ATF7IP2: variants seen among roughly 807,000 people sequenced by gnomAD.
ATF7IP2 encodes the protein activating transcription factor 7-interacting protein 2.
ATF7IP2 carries 42 observed loss-of-function variants against 64.2 expected under a neutral mutation model. That is an observed-to-expected ratio of 0.65 (90% CI 0.51 to 0.85). The LOEUF is 0.85. Among genes scored for constraint, ATF7IP2 ranks in the 40% least tolerant of loss-of-function variants. The pLI, the probability that ATF7IP2 is intolerant of heterozygous loss-of-function variation, is 0.00. For synonymous variants in ATF7IP2, 308 were observed against 272.8 expected (o/e 1.13, Z -1.27); for missense variants, 933 against 784.2 (o/e 1.19, Z -2.27).
chr16:10,429,250 C>A (rs774701903), intron 4 of ATF7IP2, among the ~76,000 whole-genome samples: 3 of 152,178 alleles, frequency 2.0e-5, no homozygotes, highest in Non-Finnish European at 4.4e-5. Context: ...ATATAATACA[C>A]AGTCCTATAG....
chr16:10,389,759 A>G (rs2047284892), intron 1 of ATF7IP2, among the ~76,000 whole-genome samples: 1 of 152,220 alleles, frequency 6.6e-6, no homozygotes, highest in Non-Finnish European at 1.5e-5. Flanking sequence ...ATACTATTAC[A>G]TTGATAAAAC....
intron 12 of ATF7IP2, among the ~76,000 whole-genome samples, chr16:10,476,008 A>G (rs551456098): frequency 6.6e-5 from 10 of 152,224 alleles, no homozygotes; most frequent in Admixed American, 6.5e-4. Flanking sequence ...TAATTTGCCA[A>G]GGGCCAGTTG....
intron 1 of ATF7IP2, among the ~76,000 whole-genome samples, chr16:10,396,280 C>A (rs1468277032): frequency 1.3e-5 from 2 of 152,066 alleles, no homozygotes; most frequent in Non-Finnish European, 2.9e-5. Context: ...GGTTATTAAC[C>A]CCTGATCAGA....
At chr16:10,436,403 A>G (rs1052544099) in intron 6 of ATF7IP2, among the ~76,000 whole-genome samples, 1 of 151,900 alleles carries the variant, frequency 6.6e-6, no homozygotes, top group South Asian at 2.1e-4. Context: ...TTTTTTTTTA[A>G]ATAATACATT....
intron 1 of ATF7IP2, among the ~76,000 whole-genome samples, chr16:10,392,620 A>G (rs1596415610): frequency 1.3e-5 from 2 of 152,188 alleles, no homozygotes; most frequent in East Asian, 3.9e-4. Flanking sequence ...AGGTCAGCAA[A>G]CCTTTGATAT....
intron 1 of ATF7IP2, among the ~76,000 whole-genome samples, chr16:10,402,667 G>T (rs976090882): frequency 1.3e-5 from 2 of 152,068 alleles, no homozygotes; most frequent in African/African-American, 2.4e-5. Context: ...GTTTCACCAT[G>T]TTGCCAGACT....
intron 8 of ATF7IP2, chr16:10,447,341 AG>A (rs2048843278): frequency 6.6e-6 from 1 of 152,170 alleles, no homozygotes; most frequent in Non-Finnish European, 1.5e-5. Context: ...CCAGCCTTTG[AG>A]GCCACTGCAC....
chr16:10,389,024 AT>A (rs1304810766), intron 1 of ATF7IP2, among the ~76,000 whole-genome samples: 3 of 151,906 alleles, frequency 2.0e-5, no homozygotes, highest in Admixed American at 1.3e-4. Flanking sequence ...AAAAAAAAAA[AT>A]TATAGTGGGA....
chr16:10,431,542 T>A, intron 5 of ATF7IP2, 87 bp downstream of exon 5: 1 of 855,518 alleles, frequency 1.2e-6, no homozygotes, highest in Non-Finnish European at 1.8e-6. Context: ...TACAAACCAG[T>A]ATAGACAGAA....
chr16:10,477,741 T>G (rs1429768388), intron 12 of ATF7IP2, among the ~76,000 whole-genome samples: 3 of 152,270 alleles, frequency 2.0e-5, no homozygotes, highest in Non-Finnish European at 4.4e-5. Flanking sequence ...ATTGTATATC[T>G]AGAAAACCCC....
In ATF7IP2 at chr16:10,474,006, G is replaced by C. The variant is rs1462568346; in HGVS notation, c.1549+17G>C. The stretch of plus-strand genomic sequence containing the variant: ...GCAATACAGGTAAAAGGATTTTTTA[G>C]ATCTTTCTTTTGTAAAAAGGAGGGA... On this transcript the variant is annotated intron_variant, in intron 12 of 13. Transcript: ENST00000562102. The C allele has an allele frequency of 2.0e-6, 3 of 1,527,726 alleles. No homozygotes were observed. The highest frequency in any genetic ancestry group is 2.7e-6 in the Non-Finnish European group (3 of 1,117,866). 94.6% of individuals were successfully genotyped at this position (1,527,726 alleles called of 1,614,324 possible). A position where few individuals can be genotyped will look rare whatever the true frequency, so the allele number is the denominator to read the frequency against.
intron 3 of ATF7IP2, among the ~76,000 whole-genome samples, chr16:10,421,324 A>G (rs2047984823): frequency 6.6e-6 from 1 of 152,156 alleles, no homozygotes; most frequent in Non-Finnish European, 1.5e-5. Flanking sequence ...GATCTTTTCT[A>G]CTTATTTGAG....
At chr16:10,415,391 T>C (rs754444314) in intron 2 of ATF7IP2, among the ~76,000 whole-genome samples, 1 of 152,180 alleles carries the variant, frequency 6.6e-6, no homozygotes, top group Non-Finnish European at 1.5e-5. Flanking sequence ...GACAGTCTCT[T>C]CAATAAATGG....
At chr16:10,439,785 C>G (rs536740371) in intron 7 of ATF7IP2, among the ~76,000 whole-genome samples, 1 of 151,614 alleles carries the variant, frequency 6.6e-6, no homozygotes, top group Admixed American at 6.6e-5. Context: ...CTGCCCGCCT[C>G]GGCTTCCCAA....
At chr16:10,411,166 G>A (rs113105123) in intron 1 of ATF7IP2, among the ~76,000 whole-genome samples, 6 of 152,186 alleles carry the variant, frequency 3.9e-5, no homozygotes, top group African/African-American at 1.2e-4. Flanking sequence ...ATGTTGGTCT[G>A]TAGTTTCCTG....
At chr16:10,475,270 G>A (rs2049961252) in intron 12 of ATF7IP2, among the ~76,000 whole-genome samples, 1 of 152,230 alleles carries the variant, frequency 6.6e-6, no homozygotes, top group Non-Finnish European at 1.5e-5. Context: ...ATGGAGTGGT[G>A]TCACGTTATT....
chr16:10,452,584 G>A (rs1234197353), intron 8 of ATF7IP2, among the ~76,000 whole-genome samples: 1 of 152,210 alleles, frequency 6.6e-6, no homozygotes, highest in Non-Finnish European at 1.5e-5. Flanking sequence ...ACGGGGGTCA[G>A]GGACCCACTT....
chr16:10,480,826 G>A, intron 12 of ATF7IP2, 53 bp from the exon 13 acceptor site: 1 of 1,186,202 alleles, frequency 8.4e-7, no homozygotes, highest in Non-Finnish European at 1.3e-6. Flanking sequence ...TAAAGGCTAT[G>A]GAATTGATTA....
chr16:10,403,347 AC>A (rs2047572367), intron 1 of ATF7IP2, among the ~76,000 whole-genome samples: 1 of 152,212 alleles, frequency 6.6e-6, no homozygotes, highest in Non-Finnish European at 1.5e-5. Context: ...CACTACTACT[AC>A]GACTGGCATT....
Sources: allele counts gnomAD v4.1 joint callset (sites outside exome capture counted in the v4.1 genomes callset), GRCh38; gene constraint gnomAD v4.1.1; transcripts MANE v1.5; gene names NCBI Gene and HGNC (gene_info 2026-07-23, HGNC 2026-07-21).